Variants in NGLY1 observed in about 807,000 individuals in gnomAD.
The protein encoded by NGLY1 is peptide-N(4)-(N-acetyl-beta-glucosaminyl)asparagine amidase.
In NGLY1, 68 loss-of-function variants were observed where a neutral mutation model predicts 84.6. The ratio of observed to expected loss-of-function variants is 0.80; its 90% CI spans 0.66 to 0.98. The LOEUF is 0.98. Among genes scored for constraint, NGLY1 ranks in the 50% least tolerant of loss-of-function variants. The pLI is 0.00. For synonymous variants in NGLY1, 280 were observed against 275.2 expected (o/e 1.02, Z -0.17); for missense variants, 779 against 770.2 (o/e 1.01, Z -0.14).
chr3:25,750,159 A>T (rs914590895), intron 4 of NGLY1, among the ~76,000 whole-genome samples: 1 of 152,180 alleles, frequency 6.6e-6, no homozygotes, highest in African/African-American at 2.4e-5. Flanking sequence ...AATGAGTGCA[A>T]GCAGGGGAAA....
chr3:25,736,308 C>A (rs1356873284), intron 6 of NGLY1, 159 bp from the exon 7 acceptor site: 2 of 1,551,118 alleles, frequency 1.3e-6, no homozygotes, highest in Non-Finnish European at 1.7e-6. Flanking sequence ...TTTTAGAATA[C>A]CTGTATTAAT....
chr3:25,787,770 C>T (rs1363172084), upstream of NGLY1, among the ~76,000 whole-genome samples: 1 of 152,212 alleles, frequency 6.6e-6, no homozygotes, highest in Non-Finnish European at 1.5e-5. Context: ...CTTTTGTGAT[C>T]TGGGCCCTGC....
chr3:25,749,826 A>G, intron 4 of NGLY1: 1 of 1,163,142 alleles, frequency 8.6e-7, no homozygotes, highest in Non-Finnish European at 1.3e-6. Flanking sequence ...GCCATCATGG[A>G]AAGAGCCACC....
At chr3:25,779,676 C>G (rs1340830629) in intron 1 of NGLY1, among the ~76,000 whole-genome samples, 1 of 152,148 alleles carries the variant, frequency 6.6e-6, no homozygotes, top group East Asian at 1.9e-4. Context: ...CACATGTTCT[C>G]TAGGTATTCT....
chr3:25,731,313 A>G (rs1705525609), intron 9 of NGLY1, among the ~76,000 whole-genome samples: 1 of 152,080 alleles, frequency 6.6e-6, no homozygotes, highest in Non-Finnish European at 1.5e-5. Flanking sequence ...CTAAATAAGC[A>G]CTTCACAAAA....
intron 3 of NGLY1, among the ~76,000 whole-genome samples, chr3:25,760,262 A>C (rs541531121): frequency 2.0e-5 from 3 of 150,364 alleles, no homozygotes; most frequent in Non-Finnish European, 4.4e-5. Context: ...AAAAATGAAC[A>C]TATATATATA....
intron 2 of NGLY1, 32 bp from the exon 3 acceptor site, chr3:25,764,343 C>T: frequency 6.3e-7 from 1 of 1,597,408 alleles, no homozygotes; most frequent in Non-Finnish European, 8.5e-7. Flanking sequence ...AAAATGTGAA[C>T]CTTTGCTTTA....
intron 4 of NGLY1, among the ~76,000 whole-genome samples, chr3:25,749,017 G>C (rs954453702): frequency 7.9e-5 from 12 of 152,088 alleles, no homozygotes; most frequent in African/African-American, 2.9e-4. Flanking sequence ...CATGAATTAG[G>C]AAAATGCAAA....
chr3:25,733,526 C>T (rs1443097628), intron 8 of NGLY1, among the ~76,000 whole-genome samples: 2 of 136,000 alleles, frequency 1.5e-5, no homozygotes, highest in Admixed American at 1.5e-4. Context: ...TATGTACATA[C>T]ATAATACATA....
intron 1 of NGLY1, chr3:25,789,800 G>A (rs2125337347): frequency 1.3e-6 from 2 of 1,523,012 alleles, no homozygotes; most frequent in South Asian, 1.2e-5. Context: ...CCGACAAAAG[G>A]GAATATTTGG....
chr3:25,733,581 TAAGAC>T (rs1027011428), intron 8 of NGLY1, among the ~76,000 whole-genome samples: 5 of 150,786 alleles, frequency 3.3e-5, no homozygotes, highest in African/African-American at 1.2e-4. Flanking sequence ...CACTGATAAA[TAAGAC>T]AACACATTTT....
chr3:25,781,753 C>T (rs1489719059), intron 1 of NGLY1, among the ~76,000 whole-genome samples: 1 of 152,190 alleles, frequency 6.6e-6, no homozygotes, highest in Non-Finnish European at 1.5e-5. Flanking sequence ...GATTATGATG[C>T]TAAATGTCAT....
intron 1 of NGLY1, among the ~76,000 whole-genome samples, chr3:25,779,334 T>G (rs1708305913): frequency 1.3e-5 from 2 of 152,232 alleles, no homozygotes; most frequent in South Asian, 4.1e-4. Flanking sequence ...TTGGGACAAG[T>G]AACCAGCACA....
rs900438545 is a variant in NGLY1 at position 25,719,333 on chromosome 3, T to A, written c.*127A>T. The A allele has an allele frequency of 6.2e-6, 4 of 648,204 alleles. No individual in the cohort carries two copies. Among genetic ancestry groups the A allele is most frequent in the South Asian group, 2.7e-5 (1 of 37,004 alleles). The allele number at this position is 648,204 out of a possible 1,614,324, so 40.2% of individuals were successfully genotyped here. ...AAAGATAATTTTCATGAGGGTTACA[T>A]GATGGATAGCTAGCAAAAGAAATAT... On this transcript the variant is annotated 3_prime_UTR_variant, in exon 12 of 12. Coordinates refer to ENST00000280700, the MANE Select transcript of NGLY1 (RefSeq NM_018297.4).
intron 1 of NGLY1, 62 bp from the exon 2 acceptor site, chr3:25,778,750 T>A (rs949697369): frequency 1.9e-5 from 19 of 986,028 alleles, no homozygotes; most frequent in African/African-American, 6.6e-5. Flanking sequence ...CTTCAAAGAC[T>A]TTACTTTCAA....
chr3:25,733,188 G>A (rs1013735750), intron 8 of NGLY1, among the ~76,000 whole-genome samples: 9 of 152,212 alleles, frequency 5.9e-5, no homozygotes, highest in Middle Eastern at 6.8e-3. Flanking sequence ...TCAGGAGTAA[G>A]TGCAGATTCA....
Position 25,729,194 on chromosome 3 carries a change from C to A in NGLY1, c.1550G>T (p.Trp517Leu). The A allele has an allele frequency of 6.4e-7, 1 of 1,561,368 alleles. No homozygotes were observed. Among genetic ancestry groups the A allele is most frequent in the Non-Finnish European group, 8.7e-7 (1 of 1,149,974 alleles). ...VSNNNQTISGWENGVWKMESI... is the reference protein window; with the variant it reads ...VSNNNQTISGLENGVWKMESI... ...TTCCATTTTCCACACGCCATTCTCC[C>A]ATCCAGAAATGGTTTGATTGTTATT... The change falls in exon 10 of 12, where the codon TGG becomes TTG. Residue 517 changes from tryptophan to leucine, a missense_variant. Trp to Leu is a moderately conservative substitution (Grantham distance 61). Transcript: ENST00000280700.
intron 5 of NGLY1, among the ~76,000 whole-genome samples, chr3:25,738,268 T>C (rs1705942956): frequency 6.6e-6 from 1 of 152,250 alleles, no homozygotes; most frequent in Non-Finnish European, 1.5e-5. Flanking sequence ...TATCTTTCTT[T>C]CTAATAATCA....
intron 2 of NGLY1, among the ~76,000 whole-genome samples, chr3:25,777,284 A>T (rs6795654): frequency 0.087 from 13,139 of 151,178 alleles, 1,289 homozygotes; most frequent in African/African-American, 0.24. Flanking sequence ...AATCCCAGCT[A>T]CTCAGGAGGC....
Sources: allele counts gnomAD v4.1 joint callset (sites outside exome capture counted in the v4.1 genomes callset), GRCh38; gene constraint gnomAD v4.1.1; transcripts MANE v1.5; gene names NCBI Gene and HGNC (gene_info 2026-07-23, HGNC 2026-07-21).